The following TMEM143 variants were observed in gnomAD, a reference collection of about 807,000 sequenced individuals.
TMEM143 encodes transmembrane protein 143.
In TMEM143, 45 loss-of-function variants were observed where a neutral mutation model predicts 40.3. The observed-to-expected ratio is 1.12, with a 90% CI of 0.88 to 1.43. The LOEUF (loss-of-function observed/expected upper bound fraction) is 1.43. TMEM143 is among the 40% of genes most tolerant of loss of function. The probability of loss-of-function intolerance (pLI) is 0.00; values close to 1 mark genes in which losing one functional copy is unlikely to be tolerated. For missense variants in TMEM143, 620 were observed against 613.4 expected (o/e 1.01, Z -0.11); for synonymous variants, 299 against 282.7 (o/e 1.06, Z -0.58).
intron 3 of TMEM143, among the ~76,000 whole-genome samples, chr19:48,355,874 G>C (rs1344687155): frequency 6.6e-6 from 1 of 152,204 alleles, no homozygotes; most frequent in African/African-American, 2.4e-5. Context: ...GAGCCACTGA[G>C]CATCAGTTTG....
intron 3 of TMEM143, among the ~76,000 whole-genome samples, chr19:48,347,440 C>A (rs901876423): frequency 6.6e-6 from 1 of 152,062 alleles, no homozygotes. Flanking sequence ...AAGGCCGGCA[C>A]AGTGGCTCAC....
intron 3 of TMEM143, among the ~76,000 whole-genome samples, chr19:48,355,999 G>A (rs1297370280): frequency 2.0e-5 from 3 of 152,224 alleles, no homozygotes; most frequent in Admixed American, 6.5e-5. Flanking sequence ...TACTGCTTGC[G>A]TGTTGTCACA....
chr19:48,338,282 C>T (rs1969416456), intron 6 of TMEM143, among the ~76,000 whole-genome samples: 1 of 152,196 alleles, frequency 6.6e-6, no homozygotes, highest in East Asian at 1.9e-4. Flanking sequence ...CCAGCCTCCT[C>T]CCTGGCCTCA....
intron 6 of TMEM143, among the ~76,000 whole-genome samples, chr19:48,340,383 C>T (rs1305308864): frequency 2.6e-5 from 4 of 152,050 alleles, no homozygotes; most frequent in Non-Finnish European, 4.4e-5. Flanking sequence ...CCTCGGCCTC[C>T]CAAAGTGCTG....
chr19:48,345,451 T>TTCAC (rs1969603009), intron 3 of TMEM143, 97 bp from the exon 4 acceptor site: 7 of 646,724 alleles, frequency 1.1e-5, no homozygotes, highest in Non-Finnish European at 1.5e-5. Flanking sequence ...CTTTCATTTA[T>TTCAC]TTATTTATTT....
chr19:48,342,690 C>T lies in TMEM143; in HGVS notation c.815G>A (p.Arg272His), dbSNP rs143728408. Residue 272 changes from arginine to histidine, a missense_variant, in exon 6 of 8, where the codon CGC becomes CAC. Coordinates refer to ENST00000293261, the MANE Select transcript of TMEM143 (RefSeq NM_018273.4). The part of the protein sequence containing the change: ...LEQLLPELKV[R>H]TPTLQRALLN... ...CAGGGCGCGCTGCAGGGTGGGCGTG[C>T]GCACCTTCAGCTCCGGCAGCAGCTG... 7.4e-6 allele frequency: 12 copies of T among 1,613,992 alleles called. No individual in the cohort carries two copies. The highest frequency in any genetic ancestry group is 5.0e-5 in the Admixed American group (3 of 59,998).
Position 48,332,953 on chromosome 19 carries a change from T to G in TMEM143, c.*266A>C. On this transcript the variant is annotated 3_prime_UTR_variant, in exon 8 of 8. Transcript: ENST00000293261. The stretch of plus-strand genomic sequence containing the variant: ...CCTCAGCCAAACCACACTTGGATGT[T>G]TATGGTGAGGGTGGGACTAAGAAAT... The G allele has an allele frequency of 6.5e-6, 2 of 308,806 alleles. No individual in the cohort carries two copies. The highest frequency in any genetic ancestry group is 5.9e-6 in the Non-Finnish European group (1 of 168,422). The allele number at this position is 308,806 out of a possible 1,614,324, so 19.1% of individuals were successfully genotyped here.
chr19:48,361,252 C>G (rs1448140391), intron 2 of TMEM143, among the ~76,000 whole-genome samples: 2 of 150,180 alleles, frequency 1.3e-5, no homozygotes, highest in Non-Finnish European at 3.0e-5. Flanking sequence ...AGGAGTCTCA[C>G]TCTGTTGCCA....
intron 3 of TMEM143, 65 bp downstream of exon 3, chr19:48,360,007 G>T: frequency 4.0e-6 from 6 of 1,511,558 alleles, no homozygotes; most frequent in Non-Finnish European, 5.5e-6. Context: ...AGGTGTCAGG[G>T]AATGTTTGCT....
intron 3 of TMEM143, among the ~76,000 whole-genome samples, chr19:48,350,539 C>A (rs1339852594): frequency 6.6e-6 from 1 of 152,088 alleles, no homozygotes; most frequent in Non-Finnish European, 1.5e-5. Context: ...ACGTTCAGCT[C>A]CCAGAGCGCA....
rs894574406 is a variant in TMEM143 at position 48,333,867 on chromosome 19, G to A, written c.1165+141C>T. The A allele has an allele frequency of 9.2e-6, 8 of 873,902 alleles. No homozygotes were observed. The highest frequency in any genetic ancestry group is 1.4e-5 in the Non-Finnish European group (8 of 588,686). 54.1% of individuals were successfully genotyped at this position (873,902 alleles called of 1,614,324 possible). On this transcript the variant is annotated intron_variant, in intron 7 of 7. Coordinates refer to ENST00000293261, the MANE Select transcript of TMEM143 (RefSeq NM_018273.4). This position sits in a 1 kb window ranked among gnomAD's most constrained non-coding sequence, Gnocchi z 4.1. Reference sequence around the variant, plus strand: ...CCAAGATCGGAGTCTGGATTCGGAGGTCCTGTCTGCTGAGGGCCGGGGTCT... The same window carrying A: ...CCAAGATCGGAGTCTGGATTCGGAGATCCTGTCTGCTGAGGGCCGGGGTCT...
chr19:48,345,063 G>A (rs1031550934), intron 4 of TMEM143, 97 bp downstream of exon 4: 185 of 1,351,180 alleles, frequency 1.4e-4, no homozygotes, highest in Non-Finnish European at 1.0e-4. Context: ...ACAGTCCCAG[G>A]CTCAGGACTA....
At chr19:48,352,262 A>AAAAAAAAACAAAAAAAAAAAAAAC (rs74518287) in intron 3 of TMEM143, among the ~76,000 whole-genome samples, 17 of 145,180 alleles carry the variant, frequency 1.2e-4, no homozygotes, top group African/African-American at 4.3e-4. Flanking sequence ...AAAAAAAAAA[A>AAAAAAAAACAAAAAAAAAAAAAAC]CACCATATCT....
chr19:48,361,972 C>G (rs989407313), intron 2 of TMEM143, among the ~76,000 whole-genome samples: 1 of 151,790 alleles, frequency 6.6e-6, no homozygotes, highest in African/African-American at 2.4e-5. Flanking sequence ...TACACATGTC[C>G]TATATACACA....
chr19:48,360,170 G>A lies in TMEM143; in HGVS notation c.271C>T (p.His91Tyr). 6.2e-7 allele frequency: 1 copy of A among 1,614,028 alleles called. No homozygotes were observed. Among genetic ancestry groups the A allele is most frequent in the Non-Finnish European group, 8.5e-7 (1 of 1,179,958 alleles). ...GCCGCCTTCTCTGCCGGACTCGAGT[G>A]GAATTCCTGTTACCTCAGGAAGCAA... is the stretch of plus-strand genomic sequence containing the variant. ...QLLRLLIQEFHSSPAEKAALE... is the reference protein window; with the variant it reads ...QLLRLLIQEFYSSPAEKAALE... The change falls in exon 3 of 8, where the codon CAC becomes TAC. Residue 91 changes from histidine (H) to tyrosine (Y), a missense_variant. By Grantham distance (83) the His-to-Tyr change is moderately conservative. Transcript: ENST00000293261.
At position 48,363,531 on chromosome 19, in the gene TMEM143, C is replaced by G. The variant is rs1162525462; in HGVS notation, c.24G>C (p.Arg8Ser). 2 of 1,598,098 alleles carry G rather than the reference C, an allele frequency of 1.3e-6. No homozygotes were observed. ...GCATGGCTAGACCCTTTCCCCGGAG[C>G]CTAAACAGAGGAAAATGGGCAGGGG... The part of the protein sequence containing the change: MTVELWL[R>S]LRGKGLAMLH... Residue 8 changes from arginine to serine, a missense_variant and splice_region_variant, in exon 2 of 8, where the codon AGG (arginine) becomes AGC (serine). Coordinates refer to ENST00000293261, the MANE Select transcript of TMEM143 (RefSeq NM_018273.4).
chr19:48,341,479 A>G (rs1969485984), intron 6 of TMEM143, among the ~76,000 whole-genome samples: 2 of 152,222 alleles, frequency 1.3e-5, no homozygotes, highest in Admixed American at 6.5e-5. Context: ...CAGCTCCCCC[A>G]GTGATAATGA....
In TMEM143 at chr19:48,342,763, G is replaced by A. The variant is rs764289274; in HGVS notation, c.742C>T (p.His248Tyr). ...VVLAARTKRG[H>Y]LVLKSFKDTP... ...TCCTTGAAACTCTTCAGTACCAGGTGTCCCCGTTTGGTCCGGGCTGCCAGG... is the reference window on the plus strand; with the variant it reads ...TCCTTGAAACTCTTCAGTACCAGGTATCCCCGTTTGGTCCGGGCTGCCAGG... The change falls in exon 6 of 8, where the codon CAC (histidine) becomes TAC (tyrosine). Residue 248 changes from histidine (H) to tyrosine (Y), a missense_variant. Coordinates refer to ENST00000293261, the MANE Select transcript of TMEM143 (RefSeq NM_018273.4). 1.4e-5 allele frequency: 23 copies of A among 1,612,076 alleles called. No individual in the cohort carries two copies. The highest frequency in any genetic ancestry group is 2.7e-5 in the African/African-American group (2 of 74,898).
At position 48,363,155 on chromosome 19, in the gene TMEM143, G is replaced by A. The variant is rs550231729; in HGVS notation, c.264+136C>T. 199 of 1,268,758 alleles carry A rather than the reference G, an allele frequency of 1.6e-4. No homozygotes were observed. The Middle Eastern group carries it at 2.3e-3, about 14-fold the overall frequency. The allele number at this position is 1,268,758 out of a possible 1,614,324, so 78.6% of individuals were successfully genotyped here. ...TTCCAGCTCATCTCCCGCCCACTAG[G>A]GAAACACGAAGGGACCCGGGAACTA... On this transcript the variant is annotated intron_variant, in intron 2 of 7. Transcript: ENST00000293261.
Sources: gnomAD v4.1 joint callset for allele counts (sites outside exome capture counted in the v4.1 genomes callset) on GRCh38, gnomAD v4.1.1 for gene constraint, Gnocchi (gnomAD v3.1) non-coding constraint, MANE v1.5 for transcripts, NCBI Gene and HGNC (gene_info 2026-07-23, HGNC 2026-07-21) for gene names.